The following RARB variants were observed in gnomAD, a reference collection of about 807,000 sequenced individuals.
RARB encodes retinoic acid receptor beta.
RARB carries 17 observed loss-of-function variants against 51.9 expected under a neutral mutation model. The ratio of observed to expected loss-of-function variants is 0.33; its 90% CI spans 0.22 to 0.49. The LOEUF is 0.49. Among genes scored for constraint, RARB ranks in the 20% least tolerant of loss-of-function variants. The pLI is 0.99. For missense variants in RARB, 369 were observed against 550.8 expected (o/e 0.67, Z 3.30); for synonymous variants, 215 against 195.4 (o/e 1.10, Z -0.84).
intron 5 of RARB, among the ~76,000 whole-genome samples, chr3:25,176,945 A>T (rs1700766750): frequency 6.6e-6 from 1 of 152,166 alleles, no homozygotes; most frequent in Non-Finnish European, 1.5e-5. Context: ...TTGAAGTTCA[A>T]AAAAAGGGTA....
At chr3:25,570,967 C>T (rs1454492156) in intron 4 of RARB, among the ~76,000 whole-genome samples, 1 of 150,716 alleles carries the variant, frequency 6.6e-6, no homozygotes, top group African/African-American at 2.4e-5. Context: ...CAGTGAGCGG[C>T]GGGGCTTTGG....
intron 2 of RARB, among the ~76,000 whole-genome samples, chr3:25,033,703 C>A (rs567466550): frequency 6.6e-6 from 1 of 152,150 alleles, no homozygotes; most frequent in Non-Finnish European, 1.5e-5. Context: ...TCTCTGCCTT[C>A]CAGTTCCCAG....
chr3:25,557,425 A>G (rs188753810), intron 3 of RARB, among the ~76,000 whole-genome samples: 202 of 152,276 alleles, frequency 1.3e-3, no homozygotes, highest in African/African-American at 4.6e-3. Flanking sequence ...TCCGCAGCCT[A>G]TCACTTCTCT....
At chr3:25,047,315 C>G (rs1575134963) in intron 2 of RARB, among the ~76,000 whole-genome samples, 1 of 151,968 alleles carries the variant, frequency 6.6e-6, no homozygotes, top group Non-Finnish European at 1.5e-5. Flanking sequence ...GAAAAAAACC[C>G]TTCAGATTGT....
intron 5 of RARB, among the ~76,000 whole-genome samples, chr3:25,304,633 T>C (rs906501686): frequency 3.3e-5 from 5 of 152,238 alleles, no homozygotes; most frequent in Admixed American, 3.3e-4. Context: ...AACCACTGAT[T>C]CCGACTTCCA....
At chr3:25,025,504 T>C (rs1172360187) in intron 2 of RARB, among the ~76,000 whole-genome samples, 4 of 152,208 alleles carry the variant, frequency 2.6e-5, no homozygotes, top group African/African-American at 9.7e-5. Flanking sequence ...TGTTTGATGA[T>C]ATATGGAACT....
At chr3:25,208,775 C>G (rs778975461) in intron 5 of RARB, among the ~76,000 whole-genome samples, 6 of 152,138 alleles carry the variant, frequency 3.9e-5, no homozygotes, top group Non-Finnish European at 7.3e-5. Flanking sequence ...CTGCCAAGTT[C>G]CCAGCTGCTG....
chr3:24,926,975 T>G (rs943051911), intron 2 of RARB, among the ~76,000 whole-genome samples: 5 of 152,106 alleles, frequency 3.3e-5, no homozygotes, highest in African/African-American at 1.2e-4. Context: ...CCATTAGGGC[T>G]GATTTCACTA....
rs1696139132 is a variant in RARB at position 25,479,785 on chromosome 3, A to C, written c.306+18444A>C. 2.0e-5 allele frequency among the ~76,000 whole-genome samples: 3 copies of C among 152,212 alleles called. No individual in the cohort carries two copies. In the South Asian group the frequency reaches 6.2e-4, roughly 32 times the overall value. On this transcript the variant is annotated intron_variant, in intron 2 of 7. Coordinates refer to ENST00000330688, the MANE Select transcript of RARB (RefSeq NM_000965.5). ...CAACAGGTCATGTTAATTCTACTGC[A>C]TCTTTCAACCCCTCTTCTACTGGAT...
intron 4 of RARB, among the ~76,000 whole-genome samples, chr3:25,154,561 G>C (rs1700344293): frequency 6.6e-6 from 1 of 152,138 alleles, no homozygotes; most frequent in Admixed American, 6.6e-5. Flanking sequence ...TGCCAAAGTG[G>C]CCTTTGCATA....
At chr3:25,180,334 G>A (rs1294552525) in intron 5 of RARB, among the ~76,000 whole-genome samples, 3 of 152,240 alleles carry the variant, frequency 2.0e-5, no homozygotes, top group East Asian at 1.9e-4. Flanking sequence ...AAATGTAGAC[G>A]TTTAAAAAGA....
At chr3:25,275,067 A>G (rs1449560863) in intron 5 of RARB, among the ~76,000 whole-genome samples, 1 of 152,186 alleles carries the variant, frequency 6.6e-6, no homozygotes, top group Non-Finnish European at 1.5e-5. Flanking sequence ...TCTTGGCCCC[A>G]TGCTCTTATG....
intron 2 of RARB, among the ~76,000 whole-genome samples, chr3:24,959,112 C>G (rs1004098574): frequency 6.6e-6 from 1 of 152,210 alleles, no homozygotes; most frequent in African/African-American, 2.4e-5. Context: ...GCTCTGGCAT[C>G]CATATGGACA....
At chr3:24,956,118 G>A (rs1268225407) in intron 2 of RARB, among the ~76,000 whole-genome samples, 1 of 152,196 alleles carries the variant, frequency 6.6e-6, no homozygotes, top group African/African-American at 2.4e-5. Flanking sequence ...TTGGTTCTGA[G>A]GCTCATTTCT....
intron 4 of RARB, among the ~76,000 whole-genome samples, chr3:25,151,917 AT>A (rs11318509): frequency 0.48 from 73,080 of 150,684 alleles, 18,421 homozygotes; most frequent in East Asian, 0.7. Context: ...CTTTTTATAG[AT>A]TTTTTTTTTT....
At chr3:25,299,926 T>G (rs1437193458) in intron 5 of RARB, among the ~76,000 whole-genome samples, 2 of 152,260 alleles carry the variant, frequency 1.3e-5, no homozygotes, top group African/African-American at 4.8e-5. Flanking sequence ...CTGAACAGTT[T>G]GCTTCCTATG....
At chr3:25,534,167 G>C (rs1336794558) in intron 3 of RARB, among the ~76,000 whole-genome samples, 1 of 152,138 alleles carries the variant, frequency 6.6e-6, no homozygotes, top group East Asian at 1.9e-4. Context: ...ATAGACTTTG[G>C]AATCAGTCCA....
intron 2 of RARB, among the ~76,000 whole-genome samples, chr3:24,886,130 C>G (rs1359779762): frequency 3.3e-5 from 5 of 152,150 alleles, no homozygotes; most frequent in African/African-American, 1.2e-4. Flanking sequence ...TCCCTGCTAA[C>G]CATAGCTAAG....
chr3:24,848,928 T>C (rs1702519082), intron 1 of RARB, among the ~76,000 whole-genome samples: 1 of 152,240 alleles, frequency 6.6e-6, no homozygotes, highest in African/African-American at 2.4e-5. Context: ...GATTCCTCCT[T>C]ACTACTCACT....
Sources: allele counts gnomAD v4.1 joint callset (sites outside exome capture counted in the v4.1 genomes callset), GRCh38; gene constraint gnomAD v4.1.1; transcripts MANE v1.5; gene names NCBI Gene and HGNC (gene_info 2026-07-23, HGNC 2026-07-21).